The following ZC3H14 variants were observed in gnomAD, a reference collection of about 807,000 sequenced individuals.
The protein encoded by ZC3H14 is zinc finger CCCH domain-containing protein 14.
Under a neutral mutation model 92.4 loss-of-function variants are expected in ZC3H14, and 31 were observed. The observed-to-expected ratio is 0.34, with a 90% CI of 0.25 to 0.45. ZC3H14 has a LOEUF of 0.45. Ranked by LOEUF, ZC3H14 falls within the 20% of genes least tolerant of loss-of-function variation. The pLI is 1.00. For missense variants in ZC3H14, 781 were observed against 897.3 expected (o/e 0.87, Z 1.66); for synonymous variants, 321 against 300.9 (o/e 1.07, Z -0.69).
Position 88,616,323 on chromosome 14 carries a change from T to C in ZC3H14, c.*4572T>C. The C allele has an allele frequency of 1.5e-6, 2 of 1,333,820 alleles. No homozygotes were observed. The highest frequency in any genetic ancestry group is 1.2e-5 in the South Asian group (1 of 83,640). The allele number at this position is 1,333,820 out of a possible 1,614,324, so 82.6% of individuals were successfully genotyped here. Reference sequence around the variant, plus strand: ...CTCTTATTAGGAACTATAATCTCTATGACAAGAGCTGTGGAGAGAGTAGGG... The same window carrying C: ...CTCTTATTAGGAACTATAATCTCTACGACAAGAGCTGTGGAGAGAGTAGGG... On this transcript the variant is annotated 3_prime_UTR_variant, in exon 17 of 17. Coordinates refer to ENST00000251038, the MANE Select transcript of ZC3H14 (RefSeq NM_024824.5).
In ZC3H14 at chr14:88,626,752, C is replaced by T. The variant is rs1165577261; in HGVS notation, c.*15001C>T. 6 of 1,346,406 alleles carry T rather than the reference C, an allele frequency of 4.5e-6. No homozygotes were observed. The highest frequency in any genetic ancestry group is 6.2e-6 in the Non-Finnish European group (6 of 967,838). The allele number at this position is 1,346,406 out of a possible 1,614,324, so 83.4% of individuals were successfully genotyped here. A position where few individuals can be genotyped will look rare whatever the true frequency, so the allele number is the denominator to read the frequency against. On this transcript the variant is annotated 3_prime_UTR_variant, in exon 17 of 17. Coordinates refer to ENST00000251038, the MANE Select transcript of ZC3H14 (RefSeq NM_024824.5). ...AATGATTAGCAGATCACAGTATCATCTCAACAACATTCATGTGGCTGATGA... is the reference window on the plus strand; with the variant it reads ...AATGATTAGCAGATCACAGTATCATTTCAACAACATTCATGTGGCTGATGA...
At chr14:88,608,468 G>A (rs1374869764) in intron 13 of ZC3H14, 2 of 308,772 alleles carry the variant, frequency 6.5e-6, no homozygotes, top group African/African-American at 4.4e-5. Flanking sequence ...TAACTAAATG[G>A]AGTGACAATT....
intron 9 of ZC3H14, 50 bp downstream of exon 9, chr14:88,578,190 C>T: frequency 1.9e-6 from 3 of 1,594,054 alleles, no homozygotes; most frequent in Non-Finnish European, 2.6e-6. Context: ...TTTCATGAGG[C>T]ATTGAATATT....
intron 3 of ZC3H14, among the ~76,000 whole-genome samples, chr14:88,569,628 G>A (rs1224018968): frequency 6.6e-6 from 1 of 152,126 alleles, no homozygotes; most frequent in Non-Finnish European, 1.5e-5. Flanking sequence ...ACCAGTTACC[G>A]TGAAAGGTGA....
chr14:88,622,781 C>A lies in ZC3H14; in HGVS notation c.*11030C>A. The stretch of plus-strand genomic sequence containing the variant: ...TGGCTACTATAATTTTTATTATAAA[C>A]AAATACCAAGTTATAAGCAGAATCT... On this transcript the variant is annotated 3_prime_UTR_variant, in exon 17 of 17. Coordinates refer to ENST00000251038, the MANE Select transcript of ZC3H14 (RefSeq NM_024824.5). 1.7e-6 allele frequency: 2 copies of A among 1,154,566 alleles called. No homozygotes were observed. The highest frequency in any genetic ancestry group is 2.7e-5 in the East Asian group (1 of 37,726). 71.5% of individuals were successfully genotyped at this position (1,154,566 alleles called of 1,614,324 possible).
intron 9 of ZC3H14, among the ~76,000 whole-genome samples, chr14:88,578,468 C>CT (rs1212887202): frequency 1.3e-5 from 2 of 152,000 alleles, no homozygotes; most frequent in African/African-American, 4.8e-5. Context: ...TTTTGAAAGT[C>CT]TTTTTATTGT....
chr14:88,609,180 A>G (rs1417829808), intron 13 of ZC3H14, 87 bp from the exon 14 acceptor site: 31 of 1,530,842 alleles, frequency 2.0e-5, no homozygotes, highest in Non-Finnish European at 2.7e-5. Context: ...ACAAGTAGTG[A>G]TGGGGAGTGT....
At chr14:88,601,871 GA>G in intron 10 of ZC3H14, 52 bp from the exon 11 acceptor site, 1 of 1,590,148 alleles carries the variant, frequency 6.3e-7, no homozygotes, top group Non-Finnish European at 8.6e-7. Context: ...ATAATGTTGG[GA>G]ATGTAAGGTA....
At chr14:88,565,724 A>G (rs1353778045) in intron 2 of ZC3H14, among the ~76,000 whole-genome samples, 1 of 152,156 alleles carries the variant, frequency 6.6e-6, no homozygotes, top group Non-Finnish European at 1.5e-5. Context: ...ACAGAAGAAT[A>G]TCCACCTTAT....
At chr14:88,590,130 C>CA (rs35202985) in intron 9 of ZC3H14, 2,699 of 140,058 alleles carry the variant, frequency 0.019, 35 homozygotes, top group Non-Finnish European at 0.024. Flanking sequence ...ACTCTGTCTC[C>CA]AAAAAAAAAA....
chr14:88,616,664 G>T lies in ZC3H14; in HGVS notation c.*4913G>T. The T allele has an allele frequency of 7.0e-7, 1 of 1,437,064 alleles. No homozygotes were observed. Among genetic ancestry groups the T allele is most frequent in the Non-Finnish European group, 9.4e-7 (1 of 1,063,408 alleles). 89.0% of individuals were successfully genotyped at this position (1,437,064 alleles called of 1,614,324 possible). On this transcript the variant is annotated 3_prime_UTR_variant, in exon 17 of 17. Transcript: ENST00000251038. Reference sequence around the variant, plus strand: ...ACATTTTAAATATATGGGGAAAAGTGCTGATGATAAGACATCAAAATTAGG... The same window carrying T: ...ACATTTTAAATATATGGGGAAAAGTTCTGATGATAAGACATCAAAATTAGG...
intron 2 of ZC3H14, 192 bp from the exon 3 acceptor site, chr14:88,567,847 C>T: frequency 1.6e-6 from 1 of 638,266 alleles, no homozygotes; most frequent in Non-Finnish European, 2.9e-6. Flanking sequence ...TCTTAATTTC[C>T]ATTCTTCTAG....
chr14:88,608,712 G>T (rs1256784657), intron 13 of ZC3H14: 2 of 160,612 alleles, frequency 1.2e-5, no homozygotes, highest in East Asian at 1.9e-4. Flanking sequence ...GTTAGTTATG[G>T]GTAATGAAAA....
At chr14:88,609,888 T>C (rs879033640) in intron 15 of ZC3H14, 85 bp downstream of exon 15, 16 of 1,431,650 alleles carry the variant, frequency 1.1e-5, no homozygotes, top group Non-Finnish European at 1.5e-5. Context: ...AGTTACTACA[T>C]TGGTGCAAAA....
rs34408574 is a variant in ZC3H14, at chr14:88,606,747, TAAAAAAA to T, written c.1748-479_1748-473del. 9.2e-3 allele frequency among the ~76,000 whole-genome samples: 878 copies of T among 95,872 alleles called. 6 individuals are homozygous for T. Among genetic ancestry groups the T allele is most frequent in the African/African-American group, 0.034 (829 of 24,210 alleles). 62.9% of individuals were successfully genotyped at this position (95,872 alleles called of 152,430 possible). A position where few individuals can be genotyped will look rare whatever the true frequency, so the allele number is the denominator to read the frequency against. On this transcript the variant is annotated intron_variant, in intron 12 of 16. Transcript: ENST00000251038. ...TGGGTGACAGAGCAGGACCCTGTCG[TAAAAAAA>T]AAAAAAAAAAAAAAAAGTAAAAGAC...
chr14:88,600,530 C>T (rs2084473519), intron 10 of ZC3H14, among the ~76,000 whole-genome samples: 2 of 151,984 alleles, frequency 1.3e-5, no homozygotes, highest in African/African-American at 2.4e-5. Flanking sequence ...CAGCCTTGAC[C>T]TCCTGGGCCC....
Position 88,622,620 on chromosome 14 carries a change from G to C in ZC3H14, c.*10869G>C, listed in dbSNP as rs775113714. Reference sequence around the variant, plus strand: ...ACATCTTACTTTGCCTCTGCACACAGAACGAACACAATCTGTGGCTTGTCC... The same window carrying C: ...ACATCTTACTTTGCCTCTGCACACACAACGAACACAATCTGTGGCTTGTCC... On this transcript the variant is annotated 3_prime_UTR_variant, in exon 17 of 17. Coordinates refer to ENST00000251038, the MANE Select transcript of ZC3H14 (RefSeq NM_024824.5). 1 of 1,608,210 alleles carries C rather than the reference G, an allele frequency of 6.2e-7. No homozygotes were observed. Among genetic ancestry groups the C allele is most frequent in the South Asian group, 1.1e-5 (1 of 89,764 alleles).
rs376498717 is a variant in ZC3H14, at chr14:88,563,611, G to A, written c.37-40G>A. On this transcript the variant is annotated intron_variant, in intron 1 of 16. Coordinates refer to ENST00000251038, the MANE Select transcript of ZC3H14 (RefSeq NM_024824.5). The stretch of plus-strand genomic sequence containing the variant: ...CAGAGTCCGGTCTTGTTTTCCTAGA[G>A]CCGCCTTTCTCACATGCACGTTTGC... 5.0e-6 allele frequency: 8 copies of A among 1,611,674 alleles called. No homozygotes were observed. In the South Asian group the frequency reaches 5.5e-5, roughly 11 times the overall value.
At position 88,620,724 on chromosome 14, in the gene ZC3H14, C is replaced by G. The variant is rs375791433; in HGVS notation, c.*8973C>G. Reference sequence around the variant, plus strand: ...AAATGGAAGTTAAATCAAGTATATACTAGAAACTCTATTCCATTTGTTCAC... The same window carrying G: ...AAATGGAAGTTAAATCAAGTATATAGTAGAAACTCTATTCCATTTGTTCAC... On this transcript the variant is annotated 3_prime_UTR_variant, in exon 17 of 17. Coordinates refer to ENST00000251038, the MANE Select transcript of ZC3H14 (RefSeq NM_024824.5). This position sits in a 1 kb window ranked among gnomAD's most constrained non-coding sequence, Gnocchi z 4.3. The G allele has an allele frequency of 2.9e-5, 44 of 1,510,250 alleles. No individual in the cohort carries two copies. The highest frequency in any genetic ancestry group is 1.9e-4 in the East Asian group (8 of 42,214). The allele number at this position is 1,510,250 out of a possible 1,614,324, so 93.6% of individuals were successfully genotyped here.
Sources: allele counts gnomAD v4.1 joint callset (sites outside exome capture counted in the v4.1 genomes callset), GRCh38; gene constraint gnomAD v4.1.1; non-coding constraint Gnocchi (gnomAD v3.1); transcripts MANE v1.5; gene names NCBI Gene and HGNC (gene_info 2026-07-23, HGNC 2026-07-21).